The following GDA variants were observed in gnomAD, a reference collection of about 807,000 sequenced individuals.
GDA encodes cytoplasmic PSD-95 interactor.
Under a neutral mutation model 59.6 loss-of-function variants are expected in GDA, and 18 were observed. That is an observed-to-expected ratio of 0.30 (90% CI 0.21 to 0.45). The LOEUF (loss-of-function observed/expected upper bound fraction) is 0.45. Ranked by LOEUF, GDA falls within the 20% of genes least tolerant of loss-of-function variation. The probability of loss-of-function intolerance (pLI) is 1.00; values close to 1 mark genes in which losing one functional copy is unlikely to be tolerated. For missense variants in GDA, 427 were observed against 552.3 expected (o/e 0.77, Z 2.27); for synonymous variants, 201 against 201.1 (o/e 1.00, Z 0.00).
chr9:72,223,124 C>T lies in GDA; in HGVS notation c.611C>T (p.Ser204Phe). The T allele has an allele frequency of 1.3e-6, 2 of 1,540,318 alleles. No individual in the cohort carries two copies. The highest frequency in any genetic ancestry group is 1.8e-6 in the Non-Finnish European group (2 of 1,113,272). The change falls in exon 7 of 14, where the codon TCT becomes TTT. Residue 204 changes from serine (S) to phenylalanine (F), a missense_variant. Ser to Phe is a radical substitution (Grantham distance 155). Transcript: ENST00000358399. ...FVSEMLQKNY[S>F]RVKPIVTPRF... The stretch of plus-strand genomic sequence containing the variant: ...ATTGTTTTTAATTATCTCCAGTATT[C>T]TAGAGTGAAGCCCATAGTGACACCA...
intron 3 of GDA, among the ~76,000 whole-genome samples, chr9:72,209,092 GTT>G (rs1308087605): frequency 7.0e-6 from 1 of 142,032 alleles, no homozygotes; most frequent in Admixed American, 7.1e-5. Flanking sequence ...TCTGTGACCA[GTT>G]TTTTTTTTTT....
In GDA at chr9:72,248,463, G is replaced by C; in HGVS notation, c.*121G>C. 1 of 1,519,254 alleles carries C rather than the reference G, an allele frequency of 6.6e-7. No homozygotes were observed. The highest frequency in any genetic ancestry group is 8.8e-7 in the Non-Finnish European group (1 of 1,132,712). The allele number at this position is 1,519,254 out of a possible 1,614,324, so 94.1% of individuals were successfully genotyped here. A position where few individuals can be genotyped will look rare whatever the true frequency, so the allele number is the denominator to read the frequency against. The stretch of plus-strand genomic sequence containing the variant: ...GTTCTTGGGATGACTATCCCTTTCT[G>C]TGTCTAGTTACAGTATTCACTTGAC... On this transcript the variant is annotated 3_prime_UTR_variant, in exon 14 of 14. Coordinates refer to ENST00000358399, the MANE Select transcript of GDA (RefSeq NM_004293.5).
At chr9:72,230,001 G>A (rs1838133492) in intron 9 of GDA, among the ~76,000 whole-genome samples, 2 of 152,310 alleles carry the variant, frequency 1.3e-5, no homozygotes, top group Admixed American at 1.3e-4. Context: ...TGCAAATTGA[G>A]TTTTGAAGTT....
chr9:72,202,434 T>C, intron 2 of GDA, 137 bp from the exon 3 acceptor site: 1 of 595,850 alleles, frequency 1.7e-6, no homozygotes, highest in East Asian at 2.9e-5. Flanking sequence ...TTGGAGAATT[T>C]ACAGTTGTCT....
Position 72,149,510 on chromosome 9 carries a change from C to A in GDA, c.-50C>A. On this transcript the variant is annotated 5_prime_UTR_variant, in exon 1 of 14. Coordinates refer to ENST00000358399, the MANE Select transcript of GDA (RefSeq NM_004293.5). ...GCAGAGAGTCCCGCTGCGTCTCCGC[C>A]GCGTGCGCCCTCCTCGACCAGCAGA... is the stretch of plus-strand genomic sequence containing the variant. 2 of 1,598,970 alleles carry A rather than the reference C, an allele frequency of 1.3e-6. No homozygotes were observed. Among genetic ancestry groups the A allele is most frequent in the Non-Finnish European group, 1.7e-6 (2 of 1,175,828 alleles).
chr9:72,150,947 A>AAGC (rs150852171), intron 1 of GDA, among the ~76,000 whole-genome samples: 4,814 of 152,176 alleles, frequency 0.032, 272 homozygotes, highest in African/African-American at 0.11. Flanking sequence ...AAGTCCCAGG[A>AAGC]AGCAAAGGAA....
At chr9:72,201,541 T>C (rs890699155) in intron 2 of GDA, among the ~76,000 whole-genome samples, 8 of 152,206 alleles carry the variant, frequency 5.3e-5, no homozygotes, top group Non-Finnish European at 1.2e-4. Flanking sequence ...ATGGCTTTAT[T>C]TGGCTTACAG....
rs1277344626 is a variant in GDA at position 72,241,702 on chromosome 9, G to A, written c.1135+404G>A. Among the ~76,000 whole-genome samples the A allele has an allele frequency of 3.9e-5, 6 of 152,030 alleles. No homozygotes were observed. In the South Asian group the frequency reaches 6.2e-4, roughly 16 times the overall value. The stretch of plus-strand genomic sequence containing the variant: ...AGCCCAGGAGTTTGAGACCAGCCTG[G>A]GCAATGTGACAAAACCCCGTCTCTA... On this transcript the variant is annotated intron_variant, in intron 11 of 13. Transcript: ENST00000358399.
intron 1 of GDA, among the ~76,000 whole-genome samples, chr9:72,160,075 G>T (rs980867773): frequency 6.6e-6 from 1 of 151,950 alleles, no homozygotes; most frequent in African/African-American, 2.4e-5. Flanking sequence ...CGAGGCGGGC[G>T]GATCATGAGG....
intron 2 of GDA, among the ~76,000 whole-genome samples, chr9:72,200,716 T>G (rs1328788258): frequency 1.3e-5 from 2 of 152,246 alleles, no homozygotes; most frequent in Non-Finnish European, 2.9e-5. Flanking sequence ...GATCAGTGAC[T>G]GATACCTGAG....
intron 1 of GDA, among the ~76,000 whole-genome samples, chr9:72,159,864 T>G (rs1197076409): frequency 6.6e-6 from 1 of 152,220 alleles, no homozygotes; most frequent in Admixed American, 6.5e-5. Context: ...TTATTTTATT[T>G]TAAAATTTGT....
chr9:72,149,966 C>T (rs1826962902), intron 1 of GDA, among the ~76,000 whole-genome samples: 1 of 152,162 alleles, frequency 6.6e-6, no homozygotes, highest in East Asian at 1.9e-4. Flanking sequence ...AAGGATGTCA[C>T]CCCCCGCTCC....
At chr9:72,177,794 A>G (rs1215962108) in intron 1 of GDA, among the ~76,000 whole-genome samples, 1 of 152,210 alleles carries the variant, frequency 6.6e-6, no homozygotes, top group African/African-American at 2.4e-5. Context: ...TTTTGCTGGT[A>G]TCATTTCCTT....
Position 72,189,106 on chromosome 9 carries a change from T to A in GDA, c.124-6394T>A, listed in dbSNP as rs145827851. 8.0e-5 allele frequency among the ~76,000 whole-genome samples: 12 copies of A among 150,170 alleles called. No individual in the cohort carries two copies. In the East Asian group the frequency reaches 2.3e-3, roughly 29 times the overall value. On this transcript the variant is annotated intron_variant, in intron 1 of 13. Coordinates refer to ENST00000358399, the MANE Select transcript of GDA (RefSeq NM_004293.5). ...TCACAGGCTCACAGCTGTAGGAATA[T>A]GCCTATGGATGAATCCTGTCTGGTG...
chr9:72,130,661 TGAGGTGGCTAAA>T (rs1564149256), intron 1 of GDA, among the ~76,000 whole-genome samples: 1 of 152,196 alleles, frequency 6.6e-6, no homozygotes, highest in Non-Finnish European at 1.5e-5. Flanking sequence ...GTTATATGAT[TGAGGTGGCTAAA>T]GAGTTACAGG....
rs1363929908 is a variant in GDA at position 72,214,278 on chromosome 9, A to AT, written c.578+292dup. 5.4e-5 allele frequency among the ~76,000 whole-genome samples: 8 copies of AT among 149,374 alleles called. No individual in the cohort carries two copies. In the South Asian group the frequency reaches 1.3e-3, roughly 24 times the overall value. On this transcript the variant is annotated intron_variant, in intron 5 of 13. Coordinates refer to ENST00000358399, the MANE Select transcript of GDA (RefSeq NM_004293.5). ...CTGTCTTTTTATTTATTTTTTATTT[A>AT]TTTTTATTTTTTTTTTTTGAGACGG...
intron 8 of GDA, among the ~76,000 whole-genome samples, chr9:72,227,255 C>G (rs1015776271): frequency 1.2e-4 from 18 of 149,792 alleles, no homozygotes; most frequent in African/African-American, 4.4e-4. Context: ...TAAATACTAC[C>G]AACATTAAAA....
intron 9 of GDA, 108 bp downstream of exon 9, chr9:72,228,148 G>C (rs1837842504): frequency 5.7e-6 from 4 of 700,734 alleles, no homozygotes; most frequent in Non-Finnish European, 1.0e-5. Context: ...CCTCTATTCT[G>C]TGTTTGGCAG....
chr9:72,230,777 G>C (rs1838246226), intron 9 of GDA, among the ~76,000 whole-genome samples: 1 of 152,102 alleles, frequency 6.6e-6, no homozygotes, highest in African/African-American at 2.4e-5. Flanking sequence ...AGATGTGTTG[G>C]TTAGAAAATA....
Sources: gnomAD v4.1 joint callset for allele counts (sites outside exome capture counted in the v4.1 genomes callset) on GRCh38, gnomAD v4.1.1 for gene constraint, MANE v1.5 for transcripts, NCBI Gene and HGNC (gene_info 2026-07-23, HGNC 2026-07-21) for gene names.